Variants in KRT74 observed in about 807,000 individuals in gnomAD.
The protein encoded by KRT74 is keratin, type II cytoskeletal 74.
KRT74 carries 43 observed loss-of-function variants against 42.7 expected under a neutral mutation model. The ratio of observed to expected loss-of-function variants is 1.01; its 90% CI spans 0.79 to 1.30. KRT74 has a LOEUF of 1.30. Among genes scored for constraint, KRT74 ranks in the 50% most tolerant of loss-of-function variants. The probability of loss-of-function intolerance (pLI) is 0.00; values close to 1 mark genes in which losing one functional copy is unlikely to be tolerated. For missense variants in KRT74, 736 were observed against 689.1 expected (o/e 1.07, Z -0.76); for synonymous variants, 302 against 279.0 (o/e 1.08, Z -0.82).
Position 52,573,492 on chromosome 12 carries a change from T to C in KRT74, c.286A>G (p.Ser96Gly). Reference protein sequence around the residue: ...ASGFAGSMFGSVALGPACLSV... With the variant: ...ASGFAGSMFGGVALGPACLSV... ...AAACATGCAGGCCCCAGGGCCACAC[T>C]GCCAAACATACTGCCAGCAAAGCCA... The change falls in exon 1 of 9, where the codon AGT becomes GGT. Residue 96 changes from serine to glycine, a missense_variant. Physicochemically the swap from Ser to Gly is moderately conservative, Grantham distance 56. Coordinates refer to ENST00000305620, the MANE Select transcript of KRT74 (RefSeq NM_175053.4). 6.2e-7 allele frequency: 1 copy of C among 1,614,140 alleles called. No individual in the cohort carries two copies. Among genetic ancestry groups the C allele is most frequent in the Non-Finnish European group, 8.5e-7 (1 of 1,180,028 alleles).
chr12:52,570,900 T>A, intron 4 of KRT74, 67 bp from the exon 5 acceptor site: 1 of 1,582,708 alleles, frequency 6.3e-7, no homozygotes. Context: ...ATCAGTCTTC[T>A]GGGCCCATGG....
chr12:52,571,125 T>C (rs985039844), intron 4 of KRT74, among the ~76,000 whole-genome samples: 32 of 152,234 alleles, frequency 2.1e-4, no homozygotes, highest in Admixed American at 2.1e-3. Context: ...CCTCACTGGG[T>C]TATCTTTTCC....
intron 2 of KRT74, 88 bp downstream of exon 2, chr12:52,572,365 C>A (rs377521094): frequency 2.9e-6 from 4 of 1,366,028 alleles, no homozygotes; most frequent in Non-Finnish European, 4.2e-6. Context: ...CATACTCCCC[C>A]ATCTCCTAAA....
intron 8 of KRT74, among the ~76,000 whole-genome samples, 200 bp from the exon 9 acceptor site, chr12:52,567,368 TC>T (rs879655811): frequency 6.6e-6 from 1 of 151,948 alleles, no homozygotes; most frequent in Non-Finnish European, 1.5e-5. Flanking sequence ...GAAGACCCCA[TC>T]AGATAGATAC....
rs755958859 is a variant in KRT74 at position 52,569,920 on chromosome 12, A to G, written c.1073T>C (p.Met358Thr). Reference protein sequence around the residue: ...GDDLKHTRSEMVELNRLIQRI... With the variant: ...GDDLKHTRSETVELNRLIQRI... ...CTGGATGAGCCGGTTCAGCTCCACC[A>G]TCTCGCTCCTGGTGTGTTTCAGGTC... The change falls in exon 6 of 9, where the codon ATG becomes ACG. Residue 358 changes from methionine (M) to threonine (T), a missense_variant. Coordinates refer to ENST00000305620, the MANE Select transcript of KRT74 (RefSeq NM_175053.4). 3.1e-6 allele frequency: 5 copies of G among 1,613,948 alleles called. No individual in the cohort carries two copies. The highest frequency in any genetic ancestry group is 4.5e-5 in the East Asian group (2 of 44,882).
At chr12:52,573,221 A>G in intron 1 of KRT74, 86 bp downstream of exon 1, 2 of 1,341,330 alleles carry the variant, frequency 1.5e-6, no homozygotes, top group Admixed American at 3.4e-5. Flanking sequence ...GCACCTTTCC[A>G]GCCACAGTGT....
intron 1 of KRT74, 120 bp downstream of exon 1, chr12:52,573,187 G>A: frequency 5.2e-6 from 5 of 957,328 alleles, no homozygotes; most frequent in South Asian, 2.6e-5. Context: ...CTAATGGTGA[G>A]GAAGCCCTTC....
chr12:52,569,092 G>A (rs1002244564), intron 6 of KRT74, among the ~76,000 whole-genome samples: 3 of 152,166 alleles, frequency 2.0e-5, no homozygotes, highest in African/African-American at 7.2e-5. Context: ...GGGTTGTGGG[G>A]GCACCAGAAG....
chr12:52,567,670 G>A lies in KRT74; in HGVS notation c.1379C>T (p.Ser460Phe). The change falls in exon 8 of 9, where the codon TCT (serine) becomes TTT (phenylalanine). Residue 460 changes from serine to phenylalanine, a missense_variant. By Grantham distance (155) the Ser-to-Phe change is radical (BLOSUM62 -2). Transcript: ENST00000305620. Reference protein sequence around the residue: ...ECRMSGENPSSVSISVISSSS... With the variant: ...ECRMSGENPSFVSISVISSSS... The stretch of plus-strand genomic sequence containing the variant: ...TCAAGAATACTCACAGATGCTCACA[G>A]AGGATGGATTCTCACCAGACATCCT... The A allele has an allele frequency of 1.9e-6, 3 of 1,612,608 alleles. No homozygotes were observed. The highest frequency in any genetic ancestry group is 1.7e-4 in the Middle Eastern group (1 of 6,060).
In KRT74 at chr12:52,566,897, G is replaced by C. The variant is rs1340178003; in HGVS notation, c.*72C>G. 7.6e-7 allele frequency: 1 copy of C among 1,323,930 alleles called. No homozygotes were observed. The highest frequency in any genetic ancestry group is 1.1e-6 in the Non-Finnish European group (1 of 944,004). 82.0% of individuals were successfully genotyped at this position (1,323,930 alleles called of 1,614,324 possible). ...TAAAACTCAGGGCCTGGGAACTTGG[G>C]TGTGGCAGACACCTTTGGGGGTGGC... On this transcript the variant is annotated 3_prime_UTR_variant, in exon 9 of 9. Transcript: ENST00000305620.
Position 52,570,768 on chromosome 12 carries a change from C to A in KRT74, c.909G>T (p.Arg303=), listed in dbSNP as rs751351404. ...TSVILSMDNN[R]DLDLDSIIAE... is the part of the protein sequence containing the mutation. Reference sequence around the variant, plus strand: ...CGATGATGCTGTCAAGGTCCAGGTCCCGGTTGTTGTCCATGGACAGGATGA... The same window carrying A: ...CGATGATGCTGTCAAGGTCCAGGTCACGGTTGTTGTCCATGGACAGGATGA... Residue 303 remains arginine (R), a synonymous_variant, in exon 5 of 9, where the codon CGG becomes CGT. Transcript: ENST00000305620. 1.2e-6 allele frequency: 2 copies of A among 1,614,110 alleles called. No individual in the cohort carries two copies. The highest frequency in any genetic ancestry group is 1.7e-6 in the Non-Finnish European group (2 of 1,180,048).
At chr12:52,573,277 G>A in intron 1 of KRT74, 30 bp downstream of exon 1, 3 of 1,600,012 alleles carry the variant, frequency 1.9e-6, no homozygotes, top group South Asian at 1.1e-5. Context: ...GCCTCAGGGT[G>A]CGGCCTCATC....
intron 2 of KRT74, 34 bp from the exon 3 acceptor site, chr12:52,572,038 C>T (rs1178145306): frequency 6.7e-7 from 1 of 1,491,090 alleles, no homozygotes; most frequent in East Asian, 2.3e-5. Context: ...CCTTAGCCCC[C>T]TTAGCCAAGG....
chr12:52,573,271 C>T (rs573212729), intron 1 of KRT74, 36 bp downstream of exon 1: 2 of 1,598,482 alleles, frequency 1.3e-6, no homozygotes, highest in South Asian at 1.1e-5. Context: ...GCTCAGGCCT[C>T]AGGGTGCGGC....
At position 52,567,040 on chromosome 12, in the gene KRT74, C is replaced by G. The variant is rs369367487; in HGVS notation, c.1519G>C (p.Gly507Arg). ...CCCTGGGTGTCCTTGAGGTCTCCCC[C>G]TCGCGCCTCTGTGGTCTTGGTCTGC... ...SGQTKTTEAR[G>R]GDLKDTQGKS... The change falls in exon 9 of 9, where the codon GGG (glycine) becomes CGG (arginine). Residue 507 changes from glycine (G) to arginine (R), a missense_variant. Gly to Arg is a moderately radical substitution (Grantham distance 125, BLOSUM62 -2). Transcript: ENST00000305620. 1.7e-5 allele frequency: 28 copies of G among 1,600,078 alleles called. No homozygotes were observed. The highest frequency in any genetic ancestry group is 1.0e-4 in the Admixed American group (6 of 59,044).
In KRT74 at chr12:52,568,300, C is replaced by A. The variant is rs1218148896; in HGVS notation, c.1224G>T (p.Glu408Asp). Reference protein sequence around the residue: ...KDAQAKLDELEGALHQAKEEL... With the variant: ...KDAQAKLDELDGALHQAKEEL... ...CCTCCTTGGCCTGGTGCAGGGCGCCCTCCAGCTCATCCAGCTTGGCCTGGG... is the reference window on the plus strand; with the variant it reads ...CCTCCTTGGCCTGGTGCAGGGCGCCATCCAGCTCATCCAGCTTGGCCTGGG... Residue 408 changes from glutamate to aspartate, a missense_variant, in exon 7 of 9, where the codon GAG (glutamate) becomes GAT (aspartate). Transcript: ENST00000305620. 1 of 1,614,138 alleles carries A rather than the reference C, an allele frequency of 6.2e-7. No homozygotes were observed. The highest frequency in any genetic ancestry group is 8.5e-7 in the Non-Finnish European group (1 of 1,180,062).
In KRT74 at chr12:52,567,057, T is replaced by C; in HGVS notation, c.1502A>G (p.Lys501Arg). Residue 501 changes from lysine to arginine, a missense_variant, in exon 9 of 9, where the codon AAG (lysine) becomes AGG (arginine). Transcript: ENST00000305620. Reference protein sequence around the residue: ...SSGSTQSGQTKTTEARGGDLK... With the variant: ...SSGSTQSGQTRTTEARGGDLK... ...GTCTCCCCCTCGCGCCTCTGTGGTC[T>C]TGGTCTGCCCGCTCTGGGTGCTGCC... is the stretch of plus-strand genomic sequence containing the variant. 5.0e-6 allele frequency: 8 copies of C among 1,596,638 alleles called. No homozygotes were observed. Among genetic ancestry groups the C allele is most frequent in the Non-Finnish European group, 6.9e-6 (8 of 1,167,762 alleles).
At chr12:52,571,622 G>A (rs1440928886) in intron 3 of KRT74, among the ~76,000 whole-genome samples, 168 bp from the exon 4 acceptor site, 1 of 152,196 alleles carries the variant, frequency 6.6e-6, no homozygotes, top group Non-Finnish European at 1.5e-5. Context: ...ATAGGGAAAG[G>A]AGGATGGGGC....
intron 2 of KRT74, 145 bp downstream of exon 2, chr12:52,572,308 C>A: frequency 2.4e-6 from 2 of 845,596 alleles, no homozygotes; most frequent in Non-Finnish European, 2.0e-6. Flanking sequence ...AGAGGATAGG[C>A]CCTTCCCCCT....
Sources: gnomAD v4.1 joint callset for allele counts (sites outside exome capture counted in the v4.1 genomes callset) on GRCh38, gnomAD v4.1.1 for gene constraint, MANE v1.5 for transcripts, NCBI Gene and HGNC (gene_info 2026-07-23, HGNC 2026-07-21) for gene names.